The following VCP variants were observed in gnomAD, a reference collection of about 807,000 sequenced individuals.
VCP encodes the protein transitional endoplasmic reticulum ATPase.
Under a neutral mutation model 85.7 loss-of-function variants are expected in VCP, and 6 were observed. The ratio of observed to expected loss-of-function variants is 0.07; its 90% CI spans 0.04 to 0.14. The LOEUF (loss-of-function observed/expected upper bound fraction) is 0.14, where lower values mean the gene tolerates loss of function less well. Among genes scored for constraint, VCP ranks in the 10% least tolerant of loss-of-function variants. The probability of loss-of-function intolerance (pLI) is 1.00; values close to 1 mark genes in which losing one functional copy is unlikely to be tolerated. For missense variants in VCP, 353 were observed against 1,043.4 expected, an observed-to-expected ratio of 0.34 and a Z score of 9.12; for synonymous variants, 384 against 367.1, an observed-to-expected ratio of 1.05 and a Z score of -0.53.
Position 35,062,138 on chromosome 9 carries a change from T to C in VCP, c.946A>G (p.Thr316Ala). ...LDAIAPKREK[T>A]HGEVERRIVS... ...ATGCGCCGCTCCACCTCGCCATGAG[T>C]CTGCCAGAACAGGATGTCTGGTCAG... Residue 316 changes from threonine to alanine, a missense_variant and splice_region_variant, in exon 9 of 17, where the codon ACT becomes GCT. Thr to Ala is a moderately conservative substitution (Grantham distance 58). This residue lies in a region of VCP where 85 missense variants were observed against 345.2 expected (regional missense o/e 0.25). Transcript: ENST00000358901. 6.2e-7 allele frequency: 1 copy of C among 1,614,000 alleles called. No individual in the cohort carries two copies. Among genetic ancestry groups the C allele is most frequent in the Non-Finnish European group, 8.5e-7 (1 of 1,179,986 alleles).
At chr9:35,061,802 TAA>T (rs765239601) in intron 9 of VCP, 113 bp from the exon 10 acceptor site, 2 of 1,388,608 alleles carry the variant, frequency 1.4e-6, no homozygotes, top group East Asian at 2.3e-5. Flanking sequence ...ATGCCAGCAC[TAA>T]AAAAGTCTCA....
chr9:35,072,545 G>T lies in VCP; in HGVS notation c.-192C>A. 1 of 643,452 alleles carries T rather than the reference G, an allele frequency of 1.6e-6. No homozygotes were observed. Among genetic ancestry groups the T allele is most frequent in the South Asian group, 2.8e-5 (1 of 35,528 alleles). 39.9% of individuals were successfully genotyped at this position (643,452 alleles called of 1,614,324 possible). A position where few individuals can be genotyped will look rare whatever the true frequency, so the allele number is the denominator to read the frequency against. ...CGTCGGGCGAACAACGCTGGCTCCT[G>T]ATCCGCGAGGTGGCAGTGGCAGTGG... On this transcript the variant is annotated 5_prime_UTR_variant, in exon 1 of 17. Coordinates refer to ENST00000358901, the MANE Select transcript of VCP (RefSeq NM_007126.5).
intron 15 of VCP, chr9:35,057,760 TAAG>T (rs759650760): frequency 2.5e-5 from 15 of 600,532 alleles, no homozygotes; most frequent in Non-Finnish European, 3.5e-5. Flanking sequence ...TGATGGGGCT[TAAG>T]GAGGGGAGAT....
rs750971923 is a variant in VCP at position 35,059,514 on chromosome 9, C to T, written c.1983G>A (p.Leu661=). 5 of 1,614,060 alleles carry T rather than the reference C, an allele frequency of 3.1e-6. No homozygotes were observed. The highest frequency in any genetic ancestry group is 2.2e-5 in the South Asian group (2 of 91,076). The part of the protein sequence containing the change: ...KSRVAILKAN[L]RKSPVAKDVD... ...CTGCCTTGGCAACTGGGGACTTGCG[C>T]AGGTTAGCCTTGAGGATGGCAACAC... The change falls in exon 14 of 17, where the codon CTG becomes CTA. Residue 661 remains leucine (L), a synonymous_variant. Coordinates refer to ENST00000358901, the MANE Select transcript of VCP (RefSeq NM_007126.5). The surrounding 1 kb of genome is among the most constrained non-coding windows in gnomAD (Gnocchi z 4.9).
Position 35,068,381 on chromosome 9 carries a change from G to C in VCP, c.18-19C>G, listed in dbSNP as rs375337185. The C allele has an allele frequency of 1.2e-6, 2 of 1,607,156 alleles. No individual in the cohort carries two copies. The highest frequency in any genetic ancestry group is 1.7e-6 in the Non-Finnish European group (2 of 1,173,726). ...TTTTGAACTAGAAGGAGGAAATGGA[G>C]TCAGTAGATACTCCTGCCCCAAGCG... On this transcript the variant is annotated intron_variant, in intron 1 of 16. Transcript: ENST00000358901.
chr9:35,069,444 CTTTTTTTTTTTTT>C lies in VCP; in HGVS notation c.18-1095_18-1083del, dbSNP rs35498216. The stretch of plus-strand genomic sequence containing the variant: ...ACTAGACTCAGCAAGCTCCCTCTCC[CTTTTTTTTTTTTT>C]TTTTTTTTTTTTGAGATGGAGTTTC... On this transcript the variant is annotated intron_variant, in intron 1 of 16. Transcript: ENST00000358901. 1.6e-4 allele frequency among the ~76,000 whole-genome samples: 15 copies of C among 96,112 alleles called. No individual in the cohort carries two copies. The South Asian group carries it at 4.3e-3, about 28-fold the overall frequency. 63.1% of individuals were successfully genotyped at this position (96,112 alleles called of 152,430 possible).
At chr9:35,071,167 T>C (rs1306755476) in intron 1 of VCP, among the ~76,000 whole-genome samples, 4 of 152,166 alleles carry the variant, frequency 2.6e-5, no homozygotes, top group East Asian at 1.9e-4. Context: ...AAGTGACTCT[T>C]TTAAATAAGC....
At position 35,059,880 on chromosome 9, in the gene VCP, C is replaced by T. The variant is rs923756389; in HGVS notation, c.1696-79G>A. 1 of 1,589,718 alleles carries T rather than the reference C, an allele frequency of 6.3e-7. No homozygotes were observed. The highest frequency in any genetic ancestry group is 8.6e-7 in the Non-Finnish European group (1 of 1,160,954). On this transcript the variant is annotated intron_variant, in intron 13 of 16. Coordinates refer to ENST00000358901, the MANE Select transcript of VCP (RefSeq NM_007126.5). The surrounding 1 kb of genome is among the most constrained non-coding windows in gnomAD (Gnocchi z 4.9). ...AAACGTGGTGGCTCACACCTGTATT[C>T]CCAGCACTTTGGGAGGCCAAGGTGG... is the stretch of plus-strand genomic sequence containing the variant.
In VCP at chr9:35,059,332, AT is replaced by A; in HGVS notation, c.2005-114del. ...AGTTTGCCCCTTCTTTGGCCACCCCATTTTATTCCTGATTCTAGATTATCTT... is the reference window on the plus strand; with the variant it reads ...AGTTTGCCCCTTCTTTGGCCACCCCATTTATTCCTGATTCTAGATTATCTT... On this transcript the variant is annotated intron_variant, in intron 14 of 16. Coordinates refer to ENST00000358901, the MANE Select transcript of VCP (RefSeq NM_007126.5). This position sits in a 1 kb window ranked among gnomAD's most constrained non-coding sequence, Gnocchi z 4.9. 6.5e-7 allele frequency: 1 copy of A among 1,547,220 alleles called. No homozygotes were observed. The highest frequency in any genetic ancestry group is 1.2e-5 in the South Asian group (1 of 85,718).
rs1210002821 is a variant in VCP at position 35,062,964 on chromosome 9, A to C, written c.811+14T>G. 4 of 1,613,628 alleles carry C rather than the reference A, an allele frequency of 2.5e-6. No individual in the cohort carries two copies. The South Asian group carries it at 4.4e-5, about 18-fold the overall frequency. Reference sequence around the variant, plus strand: ...TTGGGTCTAGCTAGACATAAGATGAACCAAATATCTCACCATTGATCAAGA... The same window carrying C: ...TTGGGTCTAGCTAGACATAAGATGACCCAAATATCTCACCATTGATCAAGA... On this transcript the variant is annotated intron_variant, in intron 7 of 16. Coordinates refer to ENST00000358901, the MANE Select transcript of VCP (RefSeq NM_007126.5).
At chr9:35,071,556 G>A (rs1262605304) in intron 1 of VCP, among the ~76,000 whole-genome samples, 3 of 152,132 alleles carry the variant, frequency 2.0e-5, no homozygotes, top group Admixed American at 1.3e-4. Flanking sequence ...CACGAACTGA[G>A]ATTCCAACTT....
At chr9:35,065,225 A>G in intron 5 of VCP, 26 bp downstream of exon 5, 13 of 1,614,032 alleles carry the variant, frequency 8.1e-6, no homozygotes, top group Non-Finnish European at 1.0e-5. Context: ...ATAAAATCGG[A>G]TACTGGAATC....
chr9:35,057,789 T>A, intron 15 of VCP: 1 of 543,080 alleles, frequency 1.8e-6, no homozygotes, highest in Non-Finnish European at 3.3e-6. Flanking sequence ...CTGAAGTGGC[T>A]AAGGAAACTT....
intron 1 of VCP, among the ~76,000 whole-genome samples, chr9:35,071,260 GT>G (rs1694597122): frequency 6.9e-6 from 1 of 144,456 alleles, no homozygotes; most frequent in Non-Finnish European, 1.5e-5. Flanking sequence ...AGGAAGGAAG[GT>G]AATTTGCATA....
Position 35,059,403 on chromosome 9 carries a change from C to T in VCP, c.2004+90G>A, listed in dbSNP as rs1828677026. 6.4e-7 allele frequency: 1 copy of T among 1,558,110 alleles called. No individual in the cohort carries two copies. The highest frequency in any genetic ancestry group is 8.7e-7 in the Non-Finnish European group (1 of 1,144,536). On this transcript the variant is annotated intron_variant, in intron 14 of 16. Coordinates refer to ENST00000358901, the MANE Select transcript of VCP (RefSeq NM_007126.5). The surrounding 1 kb of genome is among the most constrained non-coding windows in gnomAD (Gnocchi z 4.9). ...CCTTCCCTTTAGACCAACCCTAACCCCAGTGGAATCTTGTCCAGAAACTAA... is the reference window on the plus strand; with the variant it reads ...CCTTCCCTTTAGACCAACCCTAACCTCAGTGGAATCTTGTCCAGAAACTAA...
chr9:35,072,117 G>A (rs1240609091), intron 1 of VCP: 3 of 1,361,130 alleles, frequency 2.2e-6, no homozygotes, highest in Non-Finnish European at 2.8e-6. Context: ...GCTCCGACCC[G>A]GACCCAACGC....
At chr9:35,066,930 A>G (rs1303051786) in intron 3 of VCP, 113 bp from the exon 4 acceptor site, 2 of 1,541,682 alleles carry the variant, frequency 1.3e-6, no homozygotes, top group Admixed American at 1.7e-5. Context: ...AAAAGGCAGG[A>G]TGGCTTTAGG....
Position 35,061,264 on chromosome 9 carries a change from C to G in VCP, c.1195-85G>C, listed in dbSNP as rs1365544933. On this transcript the variant is annotated intron_variant, in intron 10 of 16. Transcript: ENST00000358901. ...AGAGACAATAGAATCCTTCCCCTGA[C>G]TGCTATCCCTGGGTCCTCTCATTTC... 1.8e-5 allele frequency: 29 copies of G among 1,568,866 alleles called. No individual in the cohort carries two copies. The East Asian group carries it at 6.5e-4, about 35-fold the overall frequency.
At chr9:35,069,941 CAACAA>C (rs1363725798) in intron 1 of VCP, among the ~76,000 whole-genome samples, 1 of 152,118 alleles carries the variant, frequency 6.6e-6, no homozygotes, top group Non-Finnish European at 1.5e-5. Context: ...ATACTGAAGT[CAACAA>C]AACAAGACAA....
Sources: gnomAD v4.1 joint callset for allele counts (sites outside exome capture counted in the v4.1 genomes callset) on GRCh38, gnomAD v4.1.1 for gene constraint, gnomAD v4.1.1 regional missense constraint, Gnocchi (gnomAD v3.1) non-coding constraint, MANE v1.5 for transcripts, NCBI Gene and HGNC (gene_info 2026-07-23, HGNC 2026-07-21) for gene names.